The following ALDH1A2 variants were observed in gnomAD, a reference collection of about 807,000 sequenced individuals.
ALDH1A2 encodes retinal dehydrogenase 2.
Under a neutral mutation model 60.3 loss-of-function variants are expected in ALDH1A2, and 27 were observed. That is an observed-to-expected ratio of 0.45 (90% confidence interval 0.33 to 0.62). The LOEUF is 0.62. Ranked by LOEUF, ALDH1A2 falls within the 20% of genes least tolerant of loss-of-function variation. ALDH1A2 has a pLI of 0.02. For missense variants in ALDH1A2, 581 were observed against 643.8 expected, an observed-to-expected ratio of 0.90 and a Z score of 1.06; for synonymous variants, 289 against 232.4, an observed-to-expected ratio of 1.24 and a Z score of -2.21.
At chr15:58,016,302 C>G (rs1319235839) in intron 1 of ALDH1A2, among the ~76,000 whole-genome samples, 1 of 152,032 alleles carries the variant, frequency 6.6e-6, no homozygotes, top group Non-Finnish European at 1.5e-5. Flanking sequence ...CACCACCATG[C>G]CCAGCTAATT....
chr15:57,976,516 G>A (rs1397855236), intron 7 of ALDH1A2, among the ~76,000 whole-genome samples: 1 of 152,106 alleles, frequency 6.6e-6, no homozygotes, highest in Non-Finnish European at 1.5e-5. Flanking sequence ...AACATATGGT[G>A]TTTGGTTTTC....
intron 1 of ALDH1A2, chr15:58,014,617 T>C: frequency 2.2e-6 from 1 of 451,278 alleles, no homozygotes. Context: ...CTGGCTAGTA[T>C]CCATGAGGGT....
At chr15:58,055,358 A>G (rs1274267523) in intron 1 of ALDH1A2, among the ~76,000 whole-genome samples, 1 of 152,144 alleles carries the variant, frequency 6.6e-6, no homozygotes, top group Non-Finnish European at 1.5e-5. Context: ...ATTAAAATAT[A>G]ACAAGTATTC....
chr15:58,031,799 A>T (rs1011906012), intron 1 of ALDH1A2, among the ~76,000 whole-genome samples: 3 of 152,220 alleles, frequency 2.0e-5, no homozygotes, highest in South Asian at 2.1e-4. Flanking sequence ...TCAAAACCAC[A>T]ATGAGATACC....
intron 11 of ALDH1A2, 113 bp downstream of exon 11, chr15:57,961,024 G>A: frequency 6.9e-7 from 1 of 1,458,484 alleles, no homozygotes; most frequent in African/African-American, 1.4e-5. Context: ...CCCTTTTCTG[G>A]TGAACTTTGG....
intron 4 of ALDH1A2, among the ~76,000 whole-genome samples, chr15:58,003,129 C>T (rs1163840299): frequency 6.6e-6 from 1 of 151,938 alleles, no homozygotes; most frequent in Non-Finnish European, 1.5e-5. Context: ...CTTCTCTGGA[C>T]CTTCTCTGTA....
At chr15:58,039,329 A>G (rs1482709713) in intron 1 of ALDH1A2, among the ~76,000 whole-genome samples, 1 of 151,644 alleles carries the variant, frequency 6.6e-6, no homozygotes, top group Non-Finnish European at 1.5e-5. Flanking sequence ...TTGACAGCAA[A>G]TGTTCCTATC....
chr15:58,007,266 G>A (rs141341795), intron 4 of ALDH1A2, among the ~76,000 whole-genome samples: 1 of 152,046 alleles, frequency 6.6e-6, no homozygotes, highest in Non-Finnish European at 1.5e-5. Context: ...CTAATTCAGT[G>A]TTCGTGACAA....
chr15:58,024,667 C>T (rs372927289), intron 1 of ALDH1A2, among the ~76,000 whole-genome samples: 1 of 152,102 alleles, frequency 6.6e-6, no homozygotes, highest in Non-Finnish European at 1.5e-5. Context: ...AGAAAATCAA[C>T]CAAAAAGCAC....
intron 1 of ALDH1A2, among the ~76,000 whole-genome samples, chr15:58,019,395 T>G (rs1895865113): frequency 1.3e-5 from 2 of 152,128 alleles, no homozygotes; most frequent in Admixed American, 1.3e-4. Context: ...ACCAGAATAT[T>G]TTGCTTTGTA....
intron 5 of ALDH1A2, 89 bp downstream of exon 5, chr15:57,994,989 A>C: frequency 7.8e-7 from 1 of 1,276,324 alleles, no homozygotes. Context: ...GTAATGGAAA[A>C]CACACATCGC....
chr15:58,004,579 AGTTTCT>A (rs1180896842), intron 4 of ALDH1A2, among the ~76,000 whole-genome samples: 2 of 151,266 alleles, frequency 1.3e-5, no homozygotes, highest in African/African-American at 4.9e-5. Context: ...ATGTGGTATT[AGTTTCT>A]GTTTCTGGGT....
intron 7 of ALDH1A2, chr15:57,980,567 T>C: frequency 7.2e-6 from 2 of 275,998 alleles, no homozygotes; most frequent in Admixed American, 3.8e-5. Flanking sequence ...CTTCTGGGGG[T>C]CATATTTGGG....
intron 1 of ALDH1A2, among the ~76,000 whole-genome samples, chr15:58,050,625 G>A (rs1799595517): frequency 6.6e-6 from 1 of 152,098 alleles, no homozygotes; most frequent in African/African-American, 2.4e-5. Context: ...CTTGCTCCCT[G>A]CACAGGCAAA....
intron 7 of ALDH1A2, among the ~76,000 whole-genome samples, chr15:57,982,606 T>A (rs1292962816): frequency 2.0e-5 from 3 of 152,264 alleles, no homozygotes; most frequent in Non-Finnish European, 2.9e-5. Context: ...ACTTTATGGG[T>A]TGGTCTTTGT....
At chr15:58,024,129 G>A (rs908578450) in intron 1 of ALDH1A2, among the ~76,000 whole-genome samples, 2 of 151,662 alleles carry the variant, frequency 1.3e-5, no homozygotes, top group African/African-American at 2.4e-5. Context: ...CTGAAATATG[G>A]AAGTATAAAA....
chr15:57,960,860 A>G lies in ALDH1A2; in HGVS notation c.1410-16T>C, dbSNP rs1200263568. Reference sequence around the variant, plus strand: ...ACAATTGATCCTGAAAGAAGAAAACATAGCACTGTGAGTTCGTGTGAAGTC... The same window carrying G: ...ACAATTGATCCTGAAAGAAGAAAACGTAGCACTGTGAGTTCGTGTGAAGTC... On this transcript the variant is annotated splice_polypyrimidine_tract_variant and intron_variant, in intron 11 of 12. Coordinates refer to ENST00000249750, the MANE Select transcript of ALDH1A2 (RefSeq NM_003888.4). The G allele has an allele frequency of 8.1e-6, 13 of 1,610,900 alleles. No individual in the cohort carries two copies. The highest frequency in any genetic ancestry group is 1.1e-5 in the Non-Finnish European group (13 of 1,177,170).
intron 1 of ALDH1A2, among the ~76,000 whole-genome samples, chr15:58,024,319 C>T (rs761480930): frequency 2.6e-5 from 4 of 151,838 alleles, no homozygotes; most frequent in African/African-American, 9.7e-5. Flanking sequence ...TTTTATACTG[C>T]CTAGAAGAAA....
intron 3 of ALDH1A2, among the ~76,000 whole-genome samples, chr15:58,013,155 C>T (rs1432120447): frequency 6.6e-6 from 1 of 152,194 alleles, no homozygotes. Flanking sequence ...GCAAACGGAG[C>T]AGAAGTGTAT....
Sources: allele counts gnomAD v4.1 joint callset (sites outside exome capture counted in the v4.1 genomes callset), GRCh38; gene constraint gnomAD v4.1.1; transcripts MANE v1.5; gene names NCBI Gene and HGNC (gene_info 2026-07-23, HGNC 2026-07-21).